Variants in LUZP4 observed in about 807,000 individuals in gnomAD.
LUZP4 encodes leucine zipper protein 4.
Under a neutral mutation model 8.5 loss-of-function variants are expected in LUZP4, and 11 were observed. That is an observed-to-expected ratio of 1.30 (90% CI 0.82 to 2.14). The LOEUF (loss-of-function observed/expected upper bound fraction) is 2.14. Among genes scored for constraint, LUZP4 ranks in the 30% most tolerant of loss-of-function variants. The pLI is 0.00. For missense variants in LUZP4, 276 were observed against 229.7 expected, an observed-to-expected ratio of 1.20 and a Z score of -1.30; for synonymous variants, 104 against 79.4, an observed-to-expected ratio of 1.31 and a Z score of -1.65.
In LUZP4 at chrX:115,289,724, C is replaced by T. The variant is rs782285043; in HGVS notation, c.-36C>T. ...GCGGTGAGGGGGTGGTACACGCGCC[C>T]TACCTCGGAGTGTGTGGCGCCATGA... On this transcript the variant is annotated 5_prime_UTR_variant, in exon 1 of 4. Transcript: ENST00000371920. 123 of 1,073,480 alleles carry T rather than the reference C, an allele frequency of 1.1e-4. No individual in the cohort carries two copies. In the East Asian group the frequency reaches 3.7e-3, roughly 32 times the overall value. The allele number at this position is 1,073,480 out of a possible 1,213,427, so 88.5% of individuals were successfully genotyped here.
intron 1 of LUZP4, among the ~76,000 whole-genome samples, chrX:115,297,007 T>G (rs782724217): frequency 3.6e-5 from 4 of 111,290 alleles, no homozygotes. Flanking sequence ...ACATGAGATG[T>G]TTTGATACAG....
chrX:115,298,107 C>T (rs1230205004), intron 1 of LUZP4, among the ~76,000 whole-genome samples: 1 of 107,147 alleles, frequency 9.3e-6, no homozygotes, highest in African/African-American at 3.4e-5. Context: ...CTTGCTCTGT[C>T]ACCCAGGCTG....
intron 1 of LUZP4, 110 bp downstream of exon 1, chrX:115,289,960 C>T (rs782550181): frequency 2.0e-6 from 1 of 497,990 alleles, no homozygotes; most frequent in African/African-American, 2.4e-5. Flanking sequence ...CACACCAGTT[C>T]GAGGAGAGGC....
chrX:115,301,536 A>G (rs1158221101), intron 1 of LUZP4, among the ~76,000 whole-genome samples: 1 of 111,908 alleles, frequency 8.9e-6, no homozygotes, highest in African/African-American at 3.2e-5. Flanking sequence ...TTAGTTTTTG[A>G]TAATATACAT....
chrX:115,294,390 CAT>C (rs1389348092), intron 1 of LUZP4, among the ~76,000 whole-genome samples: 1 of 111,471 alleles, frequency 9.0e-6, no homozygotes, highest in African/African-American at 3.3e-5. Flanking sequence ...AAATCTACAT[CAT>C]AGAGTTGTTG....
intron 1 of LUZP4, among the ~76,000 whole-genome samples, chrX:115,293,847 A>G (rs1490121299): frequency 9.2e-6 from 1 of 109,144 alleles, no homozygotes. Flanking sequence ...GCTACTTGGG[A>G]GGCTGGGACA....
chrX:115,306,920 A>T lies in LUZP4; in HGVS notation c.*116A>T. On this transcript the variant is annotated 3_prime_UTR_variant, in exon 4 of 4. Transcript: ENST00000371920. ...TTGGGACAAAGACATAAATATTAGA[A>T]TGGAGGTAATACATACATAGTATCA... 2 of 670,272 alleles carry T rather than the reference A, an allele frequency of 3.0e-6. No homozygotes were observed. Among genetic ancestry groups the T allele is most frequent in the South Asian group, 5.4e-5 (2 of 36,714 alleles). The allele number at this position is 670,272 out of a possible 1,213,427, so 55.2% of individuals were successfully genotyped here. A position where few individuals can be genotyped will look rare whatever the true frequency, so the allele number is the denominator to read the frequency against.
chrX:115,289,968 G>C (rs1161626942), intron 1 of LUZP4, 118 bp downstream of exon 1: 5 of 484,514 alleles, frequency 1.0e-5, no homozygotes, highest in Non-Finnish European at 1.7e-5. Context: ...TTCGAGGAGA[G>C]GCTTCCCCTT....
At chrX:115,294,667 C>T (rs1556598311) in intron 1 of LUZP4, among the ~76,000 whole-genome samples, 1 of 111,581 alleles carries the variant, frequency 9.0e-6, no homozygotes, top group African/African-American at 3.3e-5. Flanking sequence ...CTCTGGGAGA[C>T]TGAGAGAGAT....
At chrX:115,289,892 A>C in intron 1 of LUZP4, 42 bp downstream of exon 1, 5 of 1,009,342 alleles carry the variant, frequency 5.0e-6, no homozygotes, top group Non-Finnish European at 6.9e-6. Context: ...GTTTGGGCTC[A>C]CTGGTCTTGA....
chrX:115,295,693 T>A (rs1472352944), intron 1 of LUZP4, among the ~76,000 whole-genome samples: 1 of 110,517 alleles, frequency 9.0e-6, no homozygotes, highest in African/African-American at 3.3e-5. Context: ...AGTCCTTTTT[T>A]TTTTTAAAAC....
chrX:115,305,140 C>T (rs1272330465), intron 3 of LUZP4, among the ~76,000 whole-genome samples: 1 of 111,744 alleles, frequency 8.9e-6, no homozygotes, highest in Non-Finnish European at 1.9e-5. Context: ...TGGAAAGGTA[C>T]TTGGATACAT....
intron 1 of LUZP4, among the ~76,000 whole-genome samples, chrX:115,299,260 G>A (rs997624604): frequency 5.4e-5 from 6 of 111,234 alleles, no homozygotes; most frequent in African/African-American, 9.8e-5. Flanking sequence ...GCACAGCTCT[G>A]GGTTTCACTC....
At chrX:115,302,807 C>T (rs1556602097) in intron 2 of LUZP4, among the ~76,000 whole-genome samples, 2 of 112,331 alleles carry the variant, frequency 1.8e-5, no homozygotes, top group African/African-American at 6.5e-5. Context: ...AGGGGCAGAG[C>T]AGCCAAAAAG....
chrX:115,303,216 A>T lies in LUZP4; in HGVS notation c.224-84A>T. ...TTTGCAAAACCCAGTGCATAGCCTT[A>T]AAAAAATGAGATCAGAGATAATACT... On this transcript the variant is annotated intron_variant, in intron 2 of 3. Coordinates refer to ENST00000371920, the MANE Select transcript of LUZP4 (RefSeq NM_016383.5). The T allele has an allele frequency of 1.1e-5, 6 of 539,358 alleles. No individual in the cohort carries two copies. In the South Asian group the frequency reaches 2.3e-4, roughly 21 times the overall value. The allele number at this position is 539,358 out of a possible 1,213,427, so 44.4% of individuals were successfully genotyped here. A position where few individuals can be genotyped will look rare whatever the true frequency, so the allele number is the denominator to read the frequency against.
rs1445299731 is a variant in LUZP4 at position 115,306,514 on chromosome X, T to G, written c.652T>G (p.Ser218Ala). The change falls in exon 4 of 4, where the codon TCT (serine) becomes GCT (alanine). Residue 218 changes from serine to alanine, a missense_variant. Physicochemically the swap from Ser to Ala is moderately conservative, Grantham distance 99 (BLOSUM62 1). Coordinates refer to ENST00000371920, the MANE Select transcript of LUZP4 (RefSeq NM_016383.5). ...GAGATCTCATGGTCACTCAGAGAGA[T>G]CTCATGGTCACTCAGAGAGATCTCA... Reference protein sequence around the residue: ...SERSHGHSERSHGHSERSHGH... With the variant: ...SERSHGHSERAHGHSERSHGH... 1 of 1,207,953 alleles carries G rather than the reference T, an allele frequency of 8.3e-7. No individual in the cohort carries two copies. Among genetic ancestry groups the G allele is most frequent in the African/African-American group, 1.8e-5 (1 of 56,691 alleles).
intron 3 of LUZP4, among the ~76,000 whole-genome samples, chrX:115,305,546 A>G (rs1556603428): frequency 8.9e-6 from 1 of 111,855 alleles, no homozygotes; most frequent in East Asian, 2.8e-4. Flanking sequence ...ACTTACATTT[A>G]TGTAGCATCA....
intron 1 of LUZP4, among the ~76,000 whole-genome samples, chrX:115,293,950 CA>C (rs67966831): frequency 0.085 from 7,638 of 89,953 alleles, 263 homozygotes; most frequent in Middle Eastern, 0.13. Flanking sequence ...GACTCCGTCT[CA>C]AAAAAAAAAA....
Position 115,307,510 on chromosome X carries a change from T to C in LUZP4, c.*706T>C, listed in dbSNP as rs191394903. 1 of 112,208 alleles carries C rather than the reference T, an allele frequency of 8.9e-6. No individual in the cohort carries two copies. The highest frequency in any genetic ancestry group is 1.9e-5 in the Non-Finnish European group (1 of 53,234). 9.2% of individuals were successfully genotyped at this position (112,208 alleles called of 1,213,427 possible). A position where few individuals can be genotyped will look rare whatever the true frequency, so the allele number is the denominator to read the frequency against. ...GTTATGTTGTTAAAAACACAAGATA[T>C]GTTAACTGCAGTTTGTTTGGTTATT... On this transcript the variant is annotated 3_prime_UTR_variant, in exon 4 of 4. Coordinates refer to ENST00000371920, the MANE Select transcript of LUZP4 (RefSeq NM_016383.5).
Sources: gnomAD v4.1 joint callset for allele counts (sites outside exome capture counted in the v4.1 genomes callset) on GRCh38, gnomAD v4.1.1 for gene constraint, MANE v1.5 for transcripts, NCBI Gene and HGNC (gene_info 2026-07-23, HGNC 2026-07-21) for gene names.